Variants in AGL observed in about 807,000 individuals in gnomAD.
AGL encodes amylo-alpha-1,6-glucosidase and 4-alpha-glucanotransferase.
Under a neutral mutation model 199.3 loss-of-function variants are expected in AGL, and 128 were observed. The observed-to-expected ratio is 0.64, with a 90% confidence interval of 0.56 to 0.74. The LOEUF is 0.74. Among genes scored for constraint, AGL ranks in the 30% least tolerant of loss-of-function variants. AGL has a pLI of 0.00. For missense variants in AGL, 1,809 were observed against 1,820.8 expected, an observed-to-expected ratio of 0.99 and a Z score of 0.12; for synonymous variants, 584 against 594.7, an observed-to-expected ratio of 0.98 and a Z score of 0.26.
intron 27 of AGL, 32 bp from the exon 28 acceptor site, chr1:99,910,678 TAA>T (rs1166632436): frequency 1.1e-5 from 14 of 1,325,688 alleles, no homozygotes; most frequent in Non-Finnish European, 1.5e-5. Context: ...ATAATACTTA[TAA>T]AATTTTATTT....
intron 27 of AGL, among the ~76,000 whole-genome samples, chr1:99,905,236 C>T (rs1197627813): frequency 6.6e-6 from 1 of 152,060 alleles, no homozygotes. Flanking sequence ...CTTGCTCTGT[C>T]CCCCAGCTGG....
Position 99,923,077 on chromosome 1 carries a change from C to G in AGL, c.*1426C>G, listed in dbSNP as rs552612488. The G allele has an allele frequency of 1.3e-5, 2 of 152,198 alleles. No individual in the cohort carries two copies. The highest frequency in any genetic ancestry group is 3.9e-4 in the East Asian group (2 of 5,188). The allele number at this position is 152,198 out of a possible 1,614,324, so 9.4% of individuals were successfully genotyped here. ...TCTGCCTGCTCTTCTTCAAAGCTGA[C>G]CTTGCTTTAGAAATAGTTTTAACTA... On this transcript the variant is annotated 3_prime_UTR_variant, in exon 34 of 34. Transcript: ENST00000361915.
chr1:99,851,253 A>G, intron 2 of AGL, 129 bp downstream of exon 2: 2 of 828,556 alleles, frequency 2.4e-6, no homozygotes, highest in East Asian at 5.2e-5. Flanking sequence ...TGATTTGTGC[A>G]AAGATGGTGC....
chr1:99,915,522 ATTT>A, intron 31 of AGL, 36 bp downstream of exon 31: 1 of 1,502,656 alleles, frequency 6.7e-7, no homozygotes, highest in Non-Finnish European at 9.3e-7. Context: ...ATGTTATCAT[ATTT>A]AATCCAAATA....
intron 28 of AGL, among the ~76,000 whole-genome samples, chr1:99,911,213 T>C (rs1654730145): frequency 6.6e-6 from 1 of 152,230 alleles, no homozygotes; most frequent in African/African-American, 2.4e-5. Context: ...GTTCTGTCTT[T>C]TATGCAATTC....
At chr1:99,887,952 G>C (rs1001663067) in intron 20 of AGL, 26 bp from the exon 21 acceptor site, 8 of 1,611,544 alleles carry the variant, frequency 5.0e-6, no homozygotes, top group Non-Finnish European at 6.8e-6. Flanking sequence ...TTCAATATAT[G>C]GTTATCTTTA....
chr1:99,862,530 T>A, intron 4 of AGL, 107 bp downstream of exon 4: 1 of 1,203,988 alleles, frequency 8.3e-7, no homozygotes, highest in Non-Finnish European at 1.2e-6. Flanking sequence ...CTCATTGCAG[T>A]AAAGAACTAC....
chr1:99,907,693 G>GTTTTTTTTGTTTTTTTTTTTTTTTT (rs148390359), intron 27 of AGL, among the ~76,000 whole-genome samples: 10 of 118,930 alleles, frequency 8.4e-5, no homozygotes, highest in Admixed American at 1.8e-4. Flanking sequence ...TTTGTTTTTT[G>GTTTTTTTTGTTTTTTTTTTTTTTTT]TTTTTTTTGC....
At chr1:99,891,123 A>T (rs1316219944) in intron 21 of AGL, 97 bp from the exon 22 acceptor site, 2 of 1,503,976 alleles carry the variant, frequency 1.3e-6, no homozygotes, top group East Asian at 2.3e-5. Context: ...ATTCACCCCA[A>T]ATCACTAGAA....
chr1:99,880,639 G>A lies in AGL; in HGVS notation c.1743G>A (p.Met581Ile). ...LGISSLIREA[M>I]SAYNSHEEGR... ...TTCTGTAATGCTCTGCAGAGGCAAT[G>A]AGTGCATATAATAGTCATGAAGAGG... Residue 581 changes from methionine to isoleucine, a missense_variant, in exon 14 of 34, where the codon ATG (methionine) becomes ATA (isoleucine). Met to Ile is a conservative substitution (Grantham distance 10). Coordinates refer to ENST00000361915, the MANE Select transcript of AGL (RefSeq NM_000642.3). The A allele has an allele frequency of 1.2e-6, 2 of 1,613,908 alleles. No homozygotes were observed. The highest frequency in any genetic ancestry group is 1.1e-5 in the South Asian group (1 of 91,080).
intron 4 of AGL, among the ~76,000 whole-genome samples, chr1:99,863,748 C>CTT (rs11372707): frequency 0.018 from 2,155 of 118,820 alleles, 77 homozygotes; most frequent in African/African-American, 0.057. Context: ...TGCGCCTGGC[C>CTT]TTTTTTTTTT....
In AGL at chr1:99,884,164, A is replaced by G. The variant is rs774895900; in HGVS notation, c.2353A>G (p.Asn785Asp). Residue 785 changes from asparagine to aspartate, a missense_variant, in exon 18 of 34, where the codon AAC becomes GAC. Asn to Asp is a conservative substitution (Grantham distance 23). Transcript: ENST00000361915. ...TCTTGAAGCTAGAACTATTGAGAGA[A>G]ACACGAAACCTTATAGGAAGGATGA... ...VVLEARTIER[N>D]TKPYRKDENS... The G allele has an allele frequency of 3.1e-6, 5 of 1,613,004 alleles. No individual in the cohort carries two copies. The East Asian group carries it at 1.1e-4, about 36-fold the overall frequency.
At chr1:99,852,737 CT>C (rs1167089884) in intron 2 of AGL, 2 of 780,058 alleles carry the variant, frequency 2.6e-6, no homozygotes, top group African/African-American at 3.4e-5. Flanking sequence ...GTTCTTCTAC[CT>C]TTCTAGGTTT....
At chr1:99,870,292 A>AC in intron 5 of AGL, 108 bp from the exon 6 acceptor site, 1 of 1,208,800 alleles carries the variant, frequency 8.3e-7, no homozygotes. Flanking sequence ...TCCAATATAG[A>AC]AAAAAATGAG....
At chr1:99,890,301 G>A (rs771866118) in intron 21 of AGL, among the ~76,000 whole-genome samples, 3 of 152,058 alleles carry the variant, frequency 2.0e-5, no homozygotes, top group African/African-American at 4.8e-5. Context: ...TCAACAGTGA[G>A]ACCAACATTT....
intron 11 of AGL, among the ~76,000 whole-genome samples, 172 bp from the exon 12 acceptor site, chr1:99,877,465 GAAAT>G (rs1455887008): frequency 2.6e-5 from 4 of 152,198 alleles, no homozygotes; most frequent in African/African-American, 2.4e-5. Context: ...ATAGCTATGA[GAAAT>G]AAATAATTAT....
At position 99,892,446 on chromosome 1, in the gene AGL, G is replaced by A. The variant is rs1255302658; in HGVS notation, c.3098G>A (p.Gly1033Asp). Reference sequence around the variant, plus strand: ...TTTTGTTACAGCTTTGTTCAGAATGGTTCAACCTTTGTGAAACACCTTTCA... The same window carrying A: ...TTTTGTTACAGCTTTGTTCAGAATGATTCAACCTTTGTGAAACACCTTTCA... ...WKQMSSFVQN[G>D]STFVKHLSLG... Residue 1033 changes from glycine (G) to aspartate (D), a missense_variant, in exon 24 of 34, where the codon GGT (glycine) becomes GAT (aspartate). Coordinates refer to ENST00000361915, the MANE Select transcript of AGL (RefSeq NM_000642.3). The A allele has an allele frequency of 6.2e-6, 10 of 1,613,472 alleles. No homozygotes were observed. The highest frequency in any genetic ancestry group is 5.1e-6 in the Non-Finnish European group (6 of 1,179,626).
rs1553183207 is a variant in AGL at position 99,861,638 on chromosome 1, GAGA to G, written c.222_224del (p.Glu74del). ...CTGGATTGGGAAAATCCAACAGAAAGAGAAGATGATTCTGATAAATACTGTAAA... is the reference window on the plus strand; with the variant it reads ...CTGGATTGGGAAAATCCAACAGAAAGAGATGATTCTGATAAATACTGTAAA... On this transcript the variant is annotated inframe_deletion, in exon 3 of 34. Transcript: ENST00000361915. 6.2e-7 allele frequency: 1 copy of G among 1,613,574 alleles called. No individual in the cohort carries two copies. The highest frequency in any genetic ancestry group is 1.1e-5 in the South Asian group (1 of 91,060).
chr1:99,880,532 G>T, intron 13 of AGL, 100 bp from the exon 14 acceptor site: 1 of 1,313,374 alleles, frequency 7.6e-7, no homozygotes, highest in East Asian at 2.3e-5. Flanking sequence ...TTATAATATT[G>T]ATGTGGTCTT....
Sources: gnomAD v4.1 joint callset for allele counts (sites outside exome capture counted in the v4.1 genomes callset) on GRCh38, gnomAD v4.1.1 for gene constraint, MANE v1.5 for transcripts, NCBI Gene and HGNC (gene_info 2026-07-23, HGNC 2026-07-21) for gene names.